The following TDRD9 variants were observed in gnomAD, a reference collection of about 807,000 sequenced individuals.
TDRD9 encodes tudor domain containing 9.
TDRD9 carries 124 observed loss-of-function variants against 172.6 expected under a neutral mutation model. The observed-to-expected ratio is 0.72, with a 90% CI of 0.62 to 0.83. The LOEUF is 0.83. TDRD9 is among the 40% of genes least tolerant of loss of function. The pLI is 0.00. For synonymous variants in TDRD9, 619 were observed against 617.1 expected, an observed-to-expected ratio of 1.00 and a Z score of -0.05; for missense variants, 1,479 against 1,714.1, an observed-to-expected ratio of 0.86 and a Z score of 2.42.
chr14:103,940,145 C>T (rs2031129908), intron 1 of TDRD9, among the ~76,000 whole-genome samples: 1 of 152,018 alleles, frequency 6.6e-6, no homozygotes, highest in Admixed American at 6.6e-5. Flanking sequence ...TTAAATTATT[C>T]ACCAACAGTG....
At position 104,037,396 on chromosome 14, in the gene TDRD9, T is replaced by A. The variant is rs182414975; in HGVS notation, c.3716+2340T>A. 4.1e-3 allele frequency among the ~76,000 whole-genome samples: 627 copies of A among 152,296 alleles called. 7 individuals are homozygous for A. Among genetic ancestry groups the A allele is most frequent in the African/African-American group, 0.015 (605 of 41,562 alleles). On this transcript the variant is annotated intron_variant, in intron 32 of 35. Coordinates refer to ENST00000409874, the MANE Select transcript of TDRD9 (RefSeq NM_153046.3). ...GCACTAGAGGCTGTCCTGGCCCCCC[T>A]TGTTAAACGCGAAGCTTGCAGTCTC...
chr14:104,022,475 C>T, intron 24 of TDRD9, 145 bp downstream of exon 24: 1 of 853,106 alleles, frequency 1.2e-6, no homozygotes, highest in Non-Finnish European at 1.8e-6. Context: ...CGCCACTCAT[C>T]CAGCACTTTG....
rs569425416 is a variant in TDRD9, at chr14:104,032,501, G to A, written c.3509+414G>A. Among the ~76,000 whole-genome samples, 164 of 152,296 alleles carry A rather than the reference G, an allele frequency of 1.1e-3. 1 individual carries two copies. Among genetic ancestry groups the A allele is most frequent in the African/African-American group, 3.7e-3 (152 of 41,564 alleles). ...ATTACAGGCGTGAGCCACCATGCCCGGCCGGAATGTTATCTTTTCTAACTT... is the reference window on the plus strand; with the variant it reads ...ATTACAGGCGTGAGCCACCATGCCCAGCCGGAATGTTATCTTTTCTAACTT... On this transcript the variant is annotated intron_variant, in intron 30 of 35. Transcript: ENST00000409874.
chr14:103,991,014 G>A (rs2152196782), intron 8 of TDRD9, 146 bp from the exon 9 acceptor site: 5 of 927,408 alleles, frequency 5.4e-6, no homozygotes, highest in South Asian at 1.9e-5. Context: ...TTTGGGCTTC[G>A]TGTTTTCTTA....
chr14:104,040,687 A>C (rs1466057606), intron 33 of TDRD9, among the ~76,000 whole-genome samples: 1 of 152,132 alleles, frequency 6.6e-6, no homozygotes, highest in Non-Finnish European at 1.5e-5. Context: ...GCTAGTTCTT[A>C]CTGGGAAAGG....
rs71126088 is a variant in TDRD9 at position 103,939,677 on chromosome 14, G to GTTT, written c.215+10978_215+10980dup. On this transcript the variant is annotated intron_variant, in intron 1 of 35. Coordinates refer to ENST00000409874, the MANE Select transcript of TDRD9 (RefSeq NM_153046.3). Reference sequence around the variant, plus strand: ...ACGCAGGGAGAATAAAGTTAGGAGGGTTTTTTTTTTTTTTTTTTTTTTTTT... The same window carrying GTTT: ...ACGCAGGGAGAATAAAGTTAGGAGGGTTTTTTTTTTTTTTTTTTTTTTTTTTTT... 39 of 68,680 alleles carry GTTT rather than the reference G, an allele frequency of 5.7e-4. 1 individual carries two copies. The highest frequency in any genetic ancestry group is 1.2e-3 in the South Asian group (2 of 1,738). The allele number at this position is 68,680 out of a possible 1,614,324, so 4.3% of individuals were successfully genotyped here. A position where few individuals can be genotyped will look rare whatever the true frequency, so the allele number is the denominator to read the frequency against.
chr14:103,992,138 G>A (rs2033893205), intron 9 of TDRD9, among the ~76,000 whole-genome samples: 2 of 152,120 alleles, frequency 1.3e-5, no homozygotes, highest in African/African-American at 4.8e-5. Context: ...CAGTGTTTGA[G>A]AAAACAGACT....
intron 1 of TDRD9, among the ~76,000 whole-genome samples, chr14:103,932,480 C>G (rs1007868834): frequency 6.6e-6 from 1 of 152,088 alleles, no homozygotes; most frequent in Non-Finnish European, 1.5e-5. Context: ...CTCTGCCTCC[C>G]GGGTTCACAC....
intron 1 of TDRD9, among the ~76,000 whole-genome samples, chr14:103,939,036 G>C (rs559910645): frequency 8.7e-4 from 133 of 152,218 alleles, no homozygotes; most frequent in African/African-American, 3.0e-3. Flanking sequence ...GGGTGACTTA[G>C]AGTGGCTAGG....
chr14:103,929,348 G>T (rs2030210984), intron 1 of TDRD9, among the ~76,000 whole-genome samples: 1 of 152,064 alleles, frequency 6.6e-6, no homozygotes, highest in South Asian at 2.1e-4. Flanking sequence ...AGTATGTGTA[G>T]CCTTTTTGAT....
chr14:104,048,254 A>G (rs745491279), intron 34 of TDRD9, among the ~76,000 whole-genome samples: 4 of 152,042 alleles, frequency 2.6e-5, no homozygotes, highest in Non-Finnish European at 5.9e-5. Flanking sequence ...TTTAATTTTT[A>G]TAGAAACAAG....
At chr14:103,952,079 TA>T (rs1253431132) in intron 1 of TDRD9, among the ~76,000 whole-genome samples, 3 of 148,638 alleles carry the variant, frequency 2.0e-5, no homozygotes, top group Non-Finnish European at 3.0e-5. Context: ...TAAAAGGAAA[TA>T]TTTTTTAAAA....
At chr14:103,957,776 C>T (rs982933251) in intron 2 of TDRD9, among the ~76,000 whole-genome samples, 2 of 152,212 alleles carry the variant, frequency 1.3e-5, no homozygotes, top group African/African-American at 2.4e-5. Flanking sequence ...CCCAGGGGCA[C>T]AGGCAGCAGC....
chr14:104,031,238 A>G lies in TDRD9; in HGVS notation c.3413A>G (p.Asn1138Ser). Residue 1138 changes from asparagine (N) to serine (S), a missense_variant, in exon 29 of 36, where the codon AAT becomes AGT. By Grantham distance (46) the Asn-to-Ser change is conservative (BLOSUM62 1). This residue lies in a region of TDRD9 where 1,413 missense variants were observed against 1,649.1 expected (regional missense o/e 0.86). Coordinates refer to ENST00000409874, the MANE Select transcript of TDRD9 (RefSeq NM_153046.3). ...IRILLESFSTNKLGTPNCKAE... is the reference protein window; with the variant it reads ...IRILLESFSTSKLGTPNCKAE... ...ATTTTGTTAGAGAGCTTTTCTACCAATAAACTGGGTACTCCAAACTGTAAG... is the reference window on the plus strand; with the variant it reads ...ATTTTGTTAGAGAGCTTTTCTACCAGTAAACTGGGTACTCCAAACTGTAAG... The G allele has an allele frequency of 1.3e-6, 2 of 1,551,860 alleles. No homozygotes were observed. Among genetic ancestry groups the G allele is most frequent in the South Asian group, 1.2e-5 (1 of 84,036 alleles).
Position 103,963,185 on chromosome 14 carries a change from G to C in TDRD9, c.420+9G>C. The C allele has an allele frequency of 1.3e-6, 2 of 1,532,210 alleles. No individual in the cohort carries two copies. Among genetic ancestry groups the C allele is most frequent in the Non-Finnish European group, 1.8e-6 (2 of 1,133,954 alleles). 94.9% of individuals were successfully genotyped at this position (1,532,210 alleles called of 1,614,324 possible). On this transcript the variant is annotated intron_variant, in intron 3 of 35. Transcript: ENST00000409874. Reference sequence around the variant, plus strand: ...GTCGATACAAGGAAGAGGTAAAATTGTTTTGTTATACTGTAATTTTGCTGT... The same window carrying C: ...GTCGATACAAGGAAGAGGTAAAATTCTTTTGTTATACTGTAATTTTGCTGT...
intron 15 of TDRD9, 101 bp downstream of exon 15, chr14:104,005,506 C>G: frequency 7.7e-7 from 1 of 1,295,496 alleles, no homozygotes; most frequent in Non-Finnish European, 1.1e-6. Context: ...TCTGATCCTC[C>G]CGCCTCACTT....
chr14:104,012,964 G>A (rs12895187), intron 20 of TDRD9, among the ~76,000 whole-genome samples: 77,428 of 151,982 alleles, frequency 0.51, 21,214 homozygotes, highest in South Asian at 0.63. Context: ...ATAGAGAGTG[G>A]CATAGTCTTG....
chr14:104,034,059 C>G lies in TDRD9; in HGVS notation c.3609C>G (p.Ile1203Met). ...TGCTGGTTGCAGCTTCCCTTTCCATCAATGCGACTGGTAATTTAAAGATCC... is the reference window on the plus strand; with the variant it reads ...TGCTGGTTGCAGCTTCCCTTTCCATGAATGCGACTGGTAATTTAAAGATCC... Reference protein sequence around the residue: ...QRMLVAASLSINATGSTMLLR... With the variant: ...QRMLVAASLSMNATGSTMLLR... Residue 1203 changes from isoleucine to methionine, a missense_variant, in exon 31 of 36, where the codon ATC (isoleucine) becomes ATG (methionine). By Grantham distance (10) the Ile-to-Met change is conservative. Transcript: ENST00000409874. 4 of 1,546,958 alleles carry G rather than the reference C, an allele frequency of 2.6e-6. No homozygotes were observed. The highest frequency in any genetic ancestry group is 3.5e-6 in the Non-Finnish European group (4 of 1,142,702).
intron 33 of TDRD9, among the ~76,000 whole-genome samples, chr14:104,041,259 A>G (rs1309924630): frequency 2.0e-5 from 3 of 152,220 alleles, no homozygotes; most frequent in Non-Finnish European, 2.9e-5. Flanking sequence ...TAATGGGAAA[A>G]TGTAAAACTA....
Sources: allele counts gnomAD v4.1 joint callset (sites outside exome capture counted in the v4.1 genomes callset), GRCh38; gene constraint gnomAD v4.1.1; regional missense constraint gnomAD v4.1.1; transcripts MANE v1.5; gene names NCBI Gene and HGNC (gene_info 2026-07-23, HGNC 2026-07-21).